The following CDCA4 variants were observed in gnomAD, a reference collection of about 807,000 sequenced individuals.
CDCA4 encodes the protein cell division cycle associated 4.
For synonymous variants in CDCA4, 130 were observed against 137.0 expected, an observed-to-expected ratio of 0.95 and a Z score of 0.36; for missense variants, 294 against 322.1, an observed-to-expected ratio of 0.91 and a Z score of 0.67.
chr14:105,011,987 C>G (rs1416098576), intron 1 of CDCA4, 52 bp from the exon 2 acceptor site: 3 of 1,540,908 alleles, frequency 1.9e-6, no homozygotes, highest in African/African-American at 2.7e-5. Context: ...TCTCTGCGGA[C>G]AGCGCCCCTT....
At chr14:105,011,976 C>G (rs772846501) in intron 1 of CDCA4, 41 bp from the exon 2 acceptor site, 3 of 1,556,432 alleles carry the variant, frequency 1.9e-6, no homozygotes, top group Non-Finnish European at 2.6e-6. Context: ...ACACGGCAGA[C>G]TCTCTGCGGA....
chr14:105,020,053 C>G (rs1454912967), intron 1 of CDCA4, among the ~76,000 whole-genome samples: 2 of 152,226 alleles, frequency 1.3e-5, no homozygotes, highest in African/African-American at 4.8e-5. Context: ...CACACTCCTT[C>G]TTTTCCCTGA....
At position 105,011,628 on chromosome 14, in the gene CDCA4, A is replaced by G; in HGVS notation, c.302T>C (p.Leu101Pro). 6.2e-7 allele frequency: 1 copy of G among 1,613,818 alleles called. No homozygotes were observed. The highest frequency in any genetic ancestry group is 2.2e-5 in the East Asian group (1 of 44,860). ...PLDRLVSTEI[L>P]CRAAWGQEGA... ...CTCTTGCCCCCACGCTGCACGGCAC[A>G]GGATCTCCGTGGAGACCAAGCGGTC... Residue 101 changes from leucine to proline, a missense_variant, in exon 2 of 2, where the codon CTG becomes CCG. By Grantham distance (98) the Leu-to-Pro change is moderately conservative. Transcript: ENST00000336219.
At chr14:105,015,221 T>C (rs1169995984) in intron 1 of CDCA4, among the ~76,000 whole-genome samples, 2 of 152,214 alleles carry the variant, frequency 1.3e-5, no homozygotes, top group Non-Finnish European at 2.9e-5. Flanking sequence ...AAGCCAGATA[T>C]GGATACTAGA....
At chr14:105,014,506 G>A (rs913295331) in intron 1 of CDCA4, among the ~76,000 whole-genome samples, 6 of 152,190 alleles carry the variant, frequency 3.9e-5, no homozygotes, top group African/African-American at 7.2e-5. Context: ...GCTGGGCACC[G>A]CCTCTCACAC....
Position 105,015,316 on chromosome 14 carries a change from G to A in CDCA4, c.-6-3381C>T, listed in dbSNP as rs115260259. On this transcript the variant is annotated intron_variant, in intron 1 of 1. Coordinates refer to ENST00000336219, the MANE Select transcript of CDCA4 (RefSeq NM_017955.4). ...GTCCTAAGGGCAGCACTAGCAATAC[G>A]TGACCGTCAGAAATCACCCTAATAA... Among the ~76,000 whole-genome samples, 247 of 73,098 alleles carry A rather than the reference G, an allele frequency of 3.4e-3. 2 individuals are homozygous for A. The highest frequency in any genetic ancestry group is 8.1e-3 in the African/African-American group (238 of 29,482). 48.0% of individuals were successfully genotyped at this position (73,098 alleles called of 152,430 possible). A position where few individuals can be genotyped will look rare whatever the true frequency, so the allele number is the denominator to read the frequency against.
rs372232233 is a variant in CDCA4, at chr14:105,011,664, C to T, written c.266G>A (p.Arg89Gln). ...WRTVAPQAAE[R>Q]APLDRLVSTE... is the part of the protein sequence containing the mutation. The stretch of plus-strand genomic sequence containing the variant: ...GGAGACCAAGCGGTCGAGCGGCGCC[C>T]GCTCTGCAGCCTGGGGTGCCACTGT... Residue 89 changes from arginine (R) to glutamine (Q), a missense_variant, in exon 2 of 2, where the codon CGG (arginine) becomes CAG (glutamine). Physicochemically the swap from Arg to Gln is conservative, Grantham distance 43. Transcript: ENST00000336219. The T allele has an allele frequency of 7.4e-6, 12 of 1,613,536 alleles. No homozygotes were observed. The African/African-American group carries it at 8.0e-5, about 11-fold the overall frequency.
chr14:105,016,652 C>T (rs1484280898), intron 1 of CDCA4, among the ~76,000 whole-genome samples: 2 of 152,252 alleles, frequency 1.3e-5, no homozygotes, highest in African/African-American at 4.8e-5. Flanking sequence ...TCCACGGCTG[C>T]TCTCCTGCCA....
At position 105,011,556 on chromosome 14, in the gene CDCA4, G is replaced by A; in HGVS notation, c.374C>T (p.Pro125Leu). 1.9e-6 allele frequency: 3 copies of A among 1,614,078 alleles called. No individual in the cohort carries two copies. Among genetic ancestry groups the A allele is most frequent in the Non-Finnish European group, 2.5e-6 (3 of 1,180,004 alleles). The part of the protein sequence containing the change: ...PGLGDGHTQG[P>L]VSDLCPVTSA... ...GGTGACTGGGCAAAGGTCAGAAACT[G>A]GACCCTGTGTGTGGCCGTCCCCCAA... is the stretch of plus-strand genomic sequence containing the variant. Residue 125 changes from proline (P) to leucine (L), a missense_variant, in exon 2 of 2, where the codon CCA (proline) becomes CTA (leucine). Transcript: ENST00000336219.
At chr14:105,016,622 C>T (rs1013037292) in intron 1 of CDCA4, among the ~76,000 whole-genome samples, 7 of 152,226 alleles carry the variant, frequency 4.6e-5, no homozygotes, top group Non-Finnish European at 1.0e-4. Flanking sequence ...CTGAGCTCCA[C>T]GTCTGTGTTC....
At chr14:105,015,126 G>A (rs553677458) in intron 1 of CDCA4, among the ~76,000 whole-genome samples, 2 of 152,270 alleles carry the variant, frequency 1.3e-5, no homozygotes, top group East Asian at 1.9e-4. Flanking sequence ...GGACCCTCTG[G>A]GTCCCACTTT....
Position 105,010,853 on chromosome 14 carries a change from A to G in CDCA4, c.*351T>C. ...GACAAAATACTGCCCAAAACATGTA[A>G]AACTGAATTGTAAAAATTCACCTAT... On this transcript the variant is annotated 3_prime_UTR_variant, in exon 2 of 2. Coordinates refer to ENST00000336219, the MANE Select transcript of CDCA4 (RefSeq NM_017955.4). 3.7e-6 allele frequency: 1 copy of G among 273,680 alleles called. No homozygotes were observed. The highest frequency in any genetic ancestry group is 6.7e-5 in the East Asian group (1 of 14,950). The allele number at this position is 273,680 out of a possible 1,614,324, so 17.0% of individuals were successfully genotyped here. A position where few individuals can be genotyped will look rare whatever the true frequency, so the allele number is the denominator to read the frequency against.
At chr14:105,016,371 C>G (rs1005410660) in intron 1 of CDCA4, among the ~76,000 whole-genome samples, 2 of 152,214 alleles carry the variant, frequency 1.3e-5, no homozygotes, top group African/African-American at 2.4e-5. Flanking sequence ...ATACCAGTTT[C>G]TAACTTTAGG....
intron 1 of CDCA4, among the ~76,000 whole-genome samples, chr14:105,013,864 A>C (rs1284618772): frequency 6.6e-6 from 1 of 152,220 alleles, no homozygotes; most frequent in Non-Finnish European, 1.5e-5. Context: ...CATGCAAAAA[A>C]CATGTTCCAG....
chr14:105,010,269 C>G lies in CDCA4; in HGVS notation c.*935G>C, dbSNP rs1195848200. 1 of 152,442 alleles carries G rather than the reference C, an allele frequency of 6.6e-6. No homozygotes were observed. The highest frequency in any genetic ancestry group is 1.5e-5 in the Non-Finnish European group (1 of 68,020). The allele number at this position is 152,442 out of a possible 1,614,324, so 9.4% of individuals were successfully genotyped here. A position where few individuals can be genotyped will look rare whatever the true frequency, so the allele number is the denominator to read the frequency against. The stretch of plus-strand genomic sequence containing the variant: ...ACAGAGCAGCGCAGGCGTTTCTCAT[C>G]CAGCAGCAATGCTACTTCCTCACCC... On this transcript the variant is annotated 3_prime_UTR_variant, in exon 2 of 2. Coordinates refer to ENST00000336219, the MANE Select transcript of CDCA4 (RefSeq NM_017955.4).
At chr14:105,018,572 C>T (rs1390643348) in intron 1 of CDCA4, among the ~76,000 whole-genome samples, 1 of 152,070 alleles carries the variant, frequency 6.6e-6, no homozygotes, top group East Asian at 1.9e-4. Context: ...ACAAAGTCAG[C>T]AAGAGCATGG....
rs1009038209 is a variant in CDCA4 at position 105,018,739 on chromosome 14, T to C, written c.-7+2260A>G. On this transcript the variant is annotated intron_variant, in intron 1 of 1. Transcript: ENST00000336219. ...TGTGGAGCCTAGCTCCCTGCTCAAT[T>C]TTTTTTTTTTTTTTTAAGACAGAGT... 2.5e-4 allele frequency among the ~76,000 whole-genome samples: 10 copies of C among 40,460 alleles called. No individual in the cohort carries two copies. The East Asian group carries it at 4.1e-3, about 17-fold the overall frequency. 26.5% of individuals were successfully genotyped at this position (40,460 alleles called of 152,430 possible).
chr14:105,014,789 C>T (rs1341564066), intron 1 of CDCA4, among the ~76,000 whole-genome samples: 1 of 152,208 alleles, frequency 6.6e-6, no homozygotes. Context: ...TGTGGGAAGT[C>T]AATATACCTT....
intron 1 of CDCA4, among the ~76,000 whole-genome samples, chr14:105,012,246 T>C (rs1367191887): frequency 6.6e-6 from 1 of 152,214 alleles, no homozygotes; most frequent in Non-Finnish European, 1.5e-5. Flanking sequence ...AGGAGAAATA[T>C]ATAAGAGAAA....
Sources: allele counts gnomAD v4.1 joint callset (sites outside exome capture counted in the v4.1 genomes callset), GRCh38; gene constraint gnomAD v4.1.1; transcripts MANE v1.5; gene names NCBI Gene and HGNC (gene_info 2026-07-23, HGNC 2026-07-21).